Variants in RABGAP1L observed in about 807,000 individuals in gnomAD.
The protein encoded by RABGAP1L is RAB GTPase activating protein 1 like.
RABGAP1L carries 63 observed loss-of-function variants against 137.7 expected under a neutral mutation model. That is an observed-to-expected ratio of 0.46 (90% confidence interval 0.37 to 0.56). RABGAP1L has a LOEUF of 0.56. Among genes scored for constraint, RABGAP1L ranks in the 20% least tolerant of loss-of-function variants. The pLI is 0.00. For missense variants in RABGAP1L, 1,095 were observed against 1,244.0 expected (o/e 0.88, Z 1.80); for synonymous variants, 431 against 433.7 (o/e 0.99, Z 0.08).
intron 19 of RABGAP1L, among the ~76,000 whole-genome samples, chr1:174,925,865 TTTTTGTTTTTG>T (rs1662708957): frequency 6.8e-6 from 1 of 146,750 alleles, no homozygotes; most frequent in East Asian, 2.0e-4. Flanking sequence ...GTTGGTTTTT[TTTTTGTTTTTG>T]TTTTTTTTTT....
rs1384224874 is a variant in RABGAP1L, at chr1:174,993,400, C to T, written c.*3399C>T. The T allele has an allele frequency of 6.7e-6, 1 of 148,404 alleles. No homozygotes were observed. The highest frequency in any genetic ancestry group is 1.5e-5 in the Non-Finnish European group (1 of 68,008). The allele number at this position is 148,404 out of a possible 1,614,324, so 9.2% of individuals were successfully genotyped here. A position where few individuals can be genotyped will look rare whatever the true frequency, so the allele number is the denominator to read the frequency against. On this transcript the variant is annotated 3_prime_UTR_variant, in exon 26 of 26. Transcript: ENST00000681986. ...ATATTTAATAGTATGTATCTTGTTT[C>T]ATTTTTTTCCTATGATGTATTAATA...
chr1:174,783,018 C>T (rs1302970643), intron 18 of RABGAP1L, among the ~76,000 whole-genome samples: 1 of 152,174 alleles, frequency 6.6e-6, no homozygotes, highest in Admixed American at 6.6e-5. Flanking sequence ...CTTGCAACTG[C>T]ACACTCTTTT....
At chr1:174,747,311 A>T (rs888751301) in intron 17 of RABGAP1L, among the ~76,000 whole-genome samples, 1 of 147,496 alleles carries the variant, frequency 6.8e-6, no homozygotes, top group Non-Finnish European at 1.5e-5. Context: ...CTGAGTTGAG[A>T]GGATTGCTTG....
At chr1:174,240,350 G>A (rs1409668120) in intron 4 of RABGAP1L, among the ~76,000 whole-genome samples, 4 of 152,294 alleles carry the variant, frequency 2.6e-5, no homozygotes, top group Middle Eastern at 3.4e-3. Flanking sequence ...GGGTTCAAGC[G>A]ATTCTCATAC....
At chr1:174,854,102 C>A (rs1034196789) in intron 19 of RABGAP1L, among the ~76,000 whole-genome samples, 1 of 152,210 alleles carries the variant, frequency 6.6e-6, no homozygotes, top group African/African-American at 2.4e-5. Flanking sequence ...CATCCAGCAT[C>A]AGCACACTGT....
intron 17 of RABGAP1L, among the ~76,000 whole-genome samples, chr1:174,710,745 A>T (rs1448052633): frequency 6.6e-6 from 1 of 152,252 alleles, no homozygotes; most frequent in African/African-American, 2.4e-5. Context: ...CATCAACACT[A>T]TGAAGATACT....
intron 18 of RABGAP1L, among the ~76,000 whole-genome samples, chr1:174,785,158 G>A (rs970535712): frequency 2.0e-5 from 3 of 152,118 alleles, no homozygotes; most frequent in East Asian, 1.9e-4. Flanking sequence ...TCTGCCTGCC[G>A]GGTTCAAGCA....
chr1:174,280,048 G>GGAGAGAGAGAGA lies in RABGAP1L; in HGVS notation c.1323+1302_1323+1313dup, dbSNP rs59262212. On this transcript the variant is annotated intron_variant, in intron 10 of 25. Coordinates refer to ENST00000681986, the MANE Select transcript of RABGAP1L (RefSeq NM_001366446.1). ...AGTACTTTTGACTGTCTGTCTGCCTGGAGAGAGAGAGAGAGAGAGAGAGAG... is the reference window on the plus strand; with the variant it reads ...AGTACTTTTGACTGTCTGTCTGCCTGGAGAGAGAGAGAGAGAGAGAGAGAGAGAGAGAGAGAG... Among the ~76,000 whole-genome samples the GGAGAGAGAGAGA allele has an allele frequency of 3.8e-3, 471 of 125,276 alleles. 4 individuals carry two copies. Among genetic ancestry groups the GGAGAGAGAGAGA allele is most frequent in the South Asian group, 6.5e-3 (21 of 3,248 alleles). The allele number at this position is 125,276 out of a possible 152,430, so 82.2% of individuals were successfully genotyped here.
At chr1:174,299,051 TAA>T (rs1209796833) in intron 10 of RABGAP1L, among the ~76,000 whole-genome samples, 1 of 152,258 alleles carries the variant, frequency 6.6e-6, no homozygotes, top group Non-Finnish European at 1.5e-5. Flanking sequence ...GTCCTCATGT[TAA>T]AAAACAAATC....
chr1:174,323,123 A>G (rs1680148569), intron 11 of RABGAP1L, among the ~76,000 whole-genome samples: 1 of 152,184 alleles, frequency 6.6e-6, no homozygotes, highest in African/African-American at 2.4e-5. Flanking sequence ...AACAGTTTTC[A>G]CGTCTGTCCT....
intron 3 of RABGAP1L, among the ~76,000 whole-genome samples, chr1:174,229,927 T>C (rs369596378): frequency 1.2e-4 from 19 of 152,308 alleles, no homozygotes; most frequent in African/African-American, 4.6e-4. Flanking sequence ...CTCCAGCACC[T>C]GCTGTTTCCT....
At chr1:174,194,274 G>T (rs975166561) in intron 1 of RABGAP1L, among the ~76,000 whole-genome samples, 4 of 145,350 alleles carry the variant, frequency 2.8e-5, no homozygotes, top group African/African-American at 5.2e-5. Flanking sequence ...TTGCCCTGTC[G>T]CCCAGGCTGG....
chr1:174,415,640 A>G (rs1409055782), intron 13 of RABGAP1L, among the ~76,000 whole-genome samples: 2 of 152,030 alleles, frequency 1.3e-5, no homozygotes, highest in Non-Finnish European at 2.9e-5. Flanking sequence ...TTTGCTCTTT[A>G]TATCTTCAGT....
chr1:174,375,263 C>T lies in RABGAP1L; in HGVS notation c.1559+4191C>T, dbSNP rs182016290. ...TTCAAAATAGATTTAAAATTCATGG[C>T]ATATTATACTAGAAAACAAGTCTGT... On this transcript the variant is annotated intron_variant, in intron 12 of 25. Coordinates refer to ENST00000681986, the MANE Select transcript of RABGAP1L (RefSeq NM_001366446.1). Among the ~76,000 whole-genome samples, 616 of 151,758 alleles carry T rather than the reference C, an allele frequency of 4.1e-3. 4 individuals are homozygous for T. Among genetic ancestry groups the T allele is most frequent in the Middle Eastern group, 0.014 (4 of 294 alleles).
chr1:174,308,260 C>T (rs867319653), intron 11 of RABGAP1L, among the ~76,000 whole-genome samples: 1 of 151,836 alleles, frequency 6.6e-6, no homozygotes. Flanking sequence ...TATATACACA[C>T]ACATATACAT....
chr1:174,420,883 G>A (rs184007816), intron 13 of RABGAP1L, among the ~76,000 whole-genome samples: 533 of 152,090 alleles, frequency 3.5e-3, no homozygotes, highest in Non-Finnish European at 6.1e-3. Flanking sequence ...CACCGTGTTC[G>A]CCAGGATGGT....
At position 174,449,810 on chromosome 1, in the gene RABGAP1L, A is replaced by G. The variant is rs139711235; in HGVS notation, c.1710+55665A>G. Among the ~76,000 whole-genome samples the G allele has an allele frequency of 3.2e-4, 49 of 152,328 alleles. No homozygotes were observed. In the East Asian group the frequency reaches 8.7e-3, roughly 27 times the overall value. On this transcript the variant is annotated intron_variant, in intron 13 of 25. Transcript: ENST00000681986. ...TTCTCTGCAGCACAGTTTTTCTGCT[A>G]TAAACAAATAGAAACAGTATTTTTG... is the stretch of plus-strand genomic sequence containing the variant.
At position 174,994,136 on chromosome 1, in the gene RABGAP1L, T is replaced by C. The variant is rs1193234817; in HGVS notation, c.*4135T>C. On this transcript the variant is annotated 3_prime_UTR_variant, in exon 26 of 26. Transcript: ENST00000681986. ...GAACTGTCCCAACACATTCTTCCTC[T>C]CTCATAATGGCTTCCATTTAATACA... 2.0e-5 allele frequency: 3 copies of C among 152,234 alleles called. 1 individual carries two copies. The highest frequency in any genetic ancestry group is 2.0e-4 in the Admixed American group (3 of 15,288). The allele number at this position is 152,234 out of a possible 1,614,324, so 9.4% of individuals were successfully genotyped here. A position where few individuals can be genotyped will look rare whatever the true frequency, so the allele number is the denominator to read the frequency against.
intron 13 of RABGAP1L, among the ~76,000 whole-genome samples, chr1:174,429,746 A>AAGAAT (rs1553301034): frequency 1.3e-5 from 2 of 151,112 alleles, no homozygotes; most frequent in African/African-American, 4.9e-5. Flanking sequence ...TCTCAAAAAA[A>AAGAAT]AAAAATAAAA....
Sources: allele counts gnomAD v4.1 joint callset (sites outside exome capture counted in the v4.1 genomes callset), GRCh38; gene constraint gnomAD v4.1.1; transcripts MANE v1.5; gene names NCBI Gene and HGNC (gene_info 2026-07-23, HGNC 2026-07-21).